The following DOCK3 variants were observed in gnomAD, a reference collection of about 807,000 sequenced individuals.
DOCK3 encodes dedicator of cytokinesis 3, also known as dedicator of cytokinesis protein 3.
Under a neutral mutation model 265.6 loss-of-function variants are expected in DOCK3, and 60 were observed. The ratio of observed to expected loss-of-function variants is 0.23; its 90% CI spans 0.18 to 0.28. The LOEUF is 0.28. Ranked by LOEUF, DOCK3 falls within the 10% of genes least tolerant of loss-of-function variation. The pLI, the probability that DOCK3 is intolerant of heterozygous loss-of-function variation, is 1.00. For missense variants in DOCK3, 1,981 were observed against 2,594.3 expected (o/e 0.76, Z 5.14); for synonymous variants, 881 against 938.0 (o/e 0.94, Z 1.11).
At chr3:50,922,531 G>A (rs981015819) in intron 4 of DOCK3, among the ~76,000 whole-genome samples, 12 of 152,246 alleles carry the variant, frequency 7.9e-5, no homozygotes, top group South Asian at 2.1e-4. Context: ...GCCCTGCTTC[G>A]TGGGCTGCAC....
chr3:50,739,492 A>G (rs938969662), intron 1 of DOCK3, among the ~76,000 whole-genome samples: 3 of 152,088 alleles, frequency 2.0e-5, no homozygotes, highest in Non-Finnish European at 4.4e-5. Flanking sequence ...TTACTTGACC[A>G]TCTGACATAT....
intron 27 of DOCK3, among the ~76,000 whole-genome samples, chr3:51,281,762 G>T (rs1339210499): frequency 6.6e-6 from 1 of 152,134 alleles, no homozygotes; most frequent in East Asian, 1.9e-4. Flanking sequence ...TCTCTAGCAG[G>T]CTTCCCTGTA....
intron 31 of DOCK3, 79 bp from the exon 32 acceptor site, chr3:51,314,901 C>T: frequency 2.7e-6 from 4 of 1,460,914 alleles, no homozygotes; most frequent in Non-Finnish European, 3.7e-6. Context: ...TGGATTGTAG[C>T]ATGTGTTGTG....
At chr3:50,916,765 C>T (rs547962871) in intron 4 of DOCK3, among the ~76,000 whole-genome samples, 29 of 150,894 alleles carry the variant, frequency 1.9e-4, no homozygotes, top group African/African-American at 6.1e-4. Flanking sequence ...GCCGAGATTG[C>T]GCCACTACAT....
At chr3:50,903,413 A>G (rs35071080) in intron 4 of DOCK3, among the ~76,000 whole-genome samples, 14,356 of 152,186 alleles carry the variant, frequency 0.094, 836 homozygotes, top group Non-Finnish European at 0.12. Flanking sequence ...TTCTGCATCT[A>G]TTGAGATAAT....
intron 5 of DOCK3, among the ~76,000 whole-genome samples, chr3:50,965,085 A>G (rs1199292951): frequency 6.6e-6 from 1 of 152,142 alleles, no homozygotes; most frequent in Non-Finnish European, 1.5e-5. Flanking sequence ...GGCAGAAGGA[A>G]TCAATAAAAG....
intron 6 of DOCK3, 30 bp downstream of exon 6, chr3:51,064,626 CA>C: frequency 6.2e-7 from 1 of 1,607,774 alleles, no homozygotes; most frequent in Non-Finnish European, 8.5e-7. Flanking sequence ...GGGTATCTCT[CA>C]GTTTCATTTA....
In DOCK3 at chr3:51,249,482, G is replaced by A. The variant is rs866116070; in HGVS notation, c.2184+2675G>A. On this transcript the variant is annotated intron_variant, in intron 22 of 52. Coordinates refer to ENST00000266037, the MANE Select transcript of DOCK3 (RefSeq NM_004947.5). Reference sequence around the variant, plus strand: ...GAGGAGCCCCTCTGCCCAGCCAGCCGCCCCATCCGGGAGGGAGGTGGGGGG... The same window carrying A: ...GAGGAGCCCCTCTGCCCAGCCAGCCACCCCATCCGGGAGGGAGGTGGGGGG... 5.5e-4 allele frequency among the ~76,000 whole-genome samples: 54 copies of A among 98,318 alleles called. 1 individual carries two copies. The highest frequency in any genetic ancestry group is 3.3e-4 in the East Asian group (1 of 3,026). The allele number at this position is 98,318 out of a possible 152,430, so 64.5% of individuals were successfully genotyped here. A position where few individuals can be genotyped will look rare whatever the true frequency, so the allele number is the denominator to read the frequency against.
intron 5 of DOCK3, among the ~76,000 whole-genome samples, chr3:50,940,821 T>C: frequency 6.6e-6 from 1 of 151,996 alleles, no homozygotes; most frequent in East Asian, 1.9e-4. Context: ...AGCAGTTAAG[T>C]AGAGGAACGA....
chr3:50,934,443 G>A (rs1559834255), intron 5 of DOCK3, among the ~76,000 whole-genome samples: 1 of 152,138 alleles, frequency 6.6e-6, no homozygotes, highest in African/African-American at 2.4e-5. Flanking sequence ...GGGTATAAAG[G>A]CCGATAAATT....
intron 1 of DOCK3, among the ~76,000 whole-genome samples, chr3:50,763,234 C>CAATCTCTTT (rs2040640282): frequency 1.3e-5 from 2 of 152,100 alleles, no homozygotes; most frequent in South Asian, 2.1e-4. Flanking sequence ...ATTACTGCCT[C>CAATCTCTTT]AATCTCTTTT....
At position 51,228,007 on chromosome 3, in the gene DOCK3, C is replaced by A; in HGVS notation, c.1566C>A (p.Leu522=). 6.2e-7 allele frequency: 1 copy of A among 1,614,024 alleles called. No homozygotes were observed. Residue 522 remains leucine (L), a synonymous_variant, in exon 17 of 53, where the codon CTC becomes CTA. Coordinates refer to ENST00000266037, the MANE Select transcript of DOCK3 (RefSeq NM_004947.5). ...CAAAGGACAAAGGGGAAAAGAAACT[C>A]TTTGGCTTTGCATTCTCAACCCTGA... ...CSTKDKGEKK[L]FGFAFSTLMR... is the part of the protein sequence containing the mutation.
intron 49 of DOCK3, among the ~76,000 whole-genome samples, chr3:51,373,143 G>C (rs1559432215): frequency 1.3e-5 from 2 of 152,176 alleles, no homozygotes; most frequent in Non-Finnish European, 2.9e-5. Context: ...GAATACAAGA[G>C]GAATTTCTCA....
intron 5 of DOCK3, among the ~76,000 whole-genome samples, chr3:50,975,978 C>T (rs1285998123): frequency 1.1e-4 from 17 of 150,526 alleles, no homozygotes; most frequent in South Asian, 6.4e-4. Context: ...TCTGTGGGAT[C>T]GGTGGTGATA....
At chr3:51,100,046 G>C (rs201042019) in intron 9 of DOCK3, among the ~76,000 whole-genome samples, 4 of 31,410 alleles carry the variant, frequency 1.3e-4, no homozygotes, top group Non-Finnish European at 2.2e-4. Flanking sequence ...AAAAAAACTA[G>C]ATAAAGAAAG....
At chr3:51,348,686 C>T (rs996738161) in intron 38 of DOCK3, among the ~76,000 whole-genome samples, 166 bp from the exon 39 acceptor site, 9 of 152,300 alleles carry the variant, frequency 5.9e-5, no homozygotes, top group South Asian at 2.1e-4. Context: ...GAAAGCCACA[C>T]GGCTGTGTCA....
At chr3:51,332,762 G>A (rs1350836813) in intron 33 of DOCK3, among the ~76,000 whole-genome samples, 1 of 152,178 alleles carries the variant, frequency 6.6e-6, no homozygotes, top group African/African-American at 2.4e-5. Flanking sequence ...GGCAAAGTCA[G>A]GCTTATCCCT....
chr3:51,268,029 A>G (rs1236680511), intron 23 of DOCK3, among the ~76,000 whole-genome samples: 1 of 152,126 alleles, frequency 6.6e-6, no homozygotes, highest in Non-Finnish European at 1.5e-5. Flanking sequence ...ATTAGGAGAA[A>G]TACCTAATGT....
chr3:51,094,423 A>ATT (rs57116965), intron 9 of DOCK3, among the ~76,000 whole-genome samples: 1 of 151,854 alleles, frequency 6.6e-6, no homozygotes, highest in Non-Finnish European at 1.5e-5. Flanking sequence ...GAATTTATCC[A>ATT]TTTTTTCTAT....
Sources: allele counts gnomAD v4.1 joint callset (sites outside exome capture counted in the v4.1 genomes callset), GRCh38; gene constraint gnomAD v4.1.1; transcripts MANE v1.5; gene names NCBI Gene and HGNC (gene_info 2026-07-23, HGNC 2026-07-21).